SPIDR: variants seen among roughly 807,000 people sequenced by gnomAD.
SPIDR encodes scaffold protein involved in DNA repair.
In SPIDR, 93 loss-of-function variants were observed where a neutral mutation model predicts 104.6. The ratio of observed to expected loss-of-function variants is 0.89; its 90% CI spans 0.75 to 1.06. The LOEUF (loss-of-function observed/expected upper bound fraction) is 1.06, where lower values mean the gene tolerates loss of function less well. Among genes scored for constraint, SPIDR ranks in the 50% least tolerant of loss-of-function variants. The pLI, the probability that SPIDR is intolerant of heterozygous loss-of-function variation, is 0.00. For missense variants in SPIDR, 1,154 were observed against 1,111.2 expected (o/e 1.04, Z -0.55); for synonymous variants, 431 against 416.9 (o/e 1.03, Z -0.41).
At chr8:47,684,382 C>A (rs7014443) in intron 11 of SPIDR, among the ~76,000 whole-genome samples, 62,360 of 151,982 alleles carry the variant, frequency 0.41, 15,921 homozygotes, top group East Asian at 0.66. Context: ...ACAACAACAA[C>A]AAAAACTTCT....
At chr8:47,370,043 T>C (rs1554637630) in intron 5 of SPIDR, among the ~76,000 whole-genome samples, 1 of 152,118 alleles carries the variant, frequency 6.6e-6, no homozygotes, top group African/African-American at 2.4e-5. Flanking sequence ...GTCTCTTCTG[T>C]TAGTTTCATC....
chr8:47,359,920 G>A (rs189850961), intron 5 of SPIDR, among the ~76,000 whole-genome samples: 1 of 152,258 alleles, frequency 6.6e-6, no homozygotes, highest in African/African-American at 2.4e-5. Context: ...GAAAGAGCCT[G>A]GAACAATTTA....
chr8:47,567,330 C>G (rs1276395158), intron 8 of SPIDR, among the ~76,000 whole-genome samples: 4 of 151,974 alleles, frequency 2.6e-5, no homozygotes, highest in Non-Finnish European at 4.4e-5. Flanking sequence ...AGCAATTCTC[C>G]TGCCTCAGCC....
chr8:47,275,919 C>T (rs1038477390), intron 1 of SPIDR, among the ~76,000 whole-genome samples: 3 of 152,114 alleles, frequency 2.0e-5, no homozygotes, highest in Non-Finnish European at 4.4e-5. Context: ...TGCAGTGGTG[C>T]GATCACAGCT....
intron 5 of SPIDR, among the ~76,000 whole-genome samples, chr8:47,311,859 T>A (rs1214616947): frequency 6.6e-6 from 1 of 152,138 alleles, no homozygotes; most frequent in African/African-American, 2.4e-5. Flanking sequence ...CCTAATGCTA[T>A]CCCTCCCCAC....
At chr8:47,380,494 T>C (rs1208787003) in intron 5 of SPIDR, among the ~76,000 whole-genome samples, 1 of 151,996 alleles carries the variant, frequency 6.6e-6, no homozygotes, top group African/African-American at 2.4e-5. Flanking sequence ...CACCCTCCAC[T>C]CCTGCTTGGT....
chr8:47,329,208 C>G (rs1203364123), intron 5 of SPIDR, among the ~76,000 whole-genome samples: 1 of 151,690 alleles, frequency 6.6e-6, no homozygotes, highest in African/African-American at 2.4e-5. Context: ...GTAGCTGGGA[C>G]TACAGGCACC....
At chr8:47,557,723 A>T (rs1249261645) in intron 8 of SPIDR, among the ~76,000 whole-genome samples, 1 of 152,170 alleles carries the variant, frequency 6.6e-6, no homozygotes, top group Non-Finnish European at 1.5e-5. Flanking sequence ...AAGTAGACTC[A>T]TCTCATTTCT....
chr8:47,583,551 A>C (rs1009070700), intron 8 of SPIDR, among the ~76,000 whole-genome samples: 2 of 152,196 alleles, frequency 1.3e-5, no homozygotes, highest in Non-Finnish European at 2.9e-5. Flanking sequence ...GAGATTGTAA[A>C]GGCCACACCA....
chr8:47,542,174 T>C (rs2088319305), intron 8 of SPIDR, among the ~76,000 whole-genome samples: 3 of 152,010 alleles, frequency 2.0e-5, no homozygotes, highest in South Asian at 2.1e-4. Flanking sequence ...CATTTTCTTT[T>C]TTTTTTTTTT....
chr8:47,499,775 CT>C (rs749161570), intron 8 of SPIDR, among the ~76,000 whole-genome samples: 6 of 152,044 alleles, frequency 3.9e-5, no homozygotes, highest in Non-Finnish European at 8.8e-5. Context: ...TCTCCTAATG[CT>C]ATCCCTCCAC....
intron 5 of SPIDR, among the ~76,000 whole-genome samples, chr8:47,323,105 GAGAAA>G (rs2047044020): frequency 4.8e-5 from 7 of 147,252 alleles, no homozygotes; most frequent in Non-Finnish European, 9.0e-5. Context: ...AGAAGAAGAA[GAGAAA>G]AAAAAAAGAA....
At chr8:47,277,313 TTGTTATGTTATGTTA>T (rs75609635) in intron 1 of SPIDR, among the ~76,000 whole-genome samples, 16,048 of 141,970 alleles carry the variant, frequency 0.11, 913 homozygotes, top group South Asian at 0.14. Context: ...TATGTTATGT[TTGTTATGTTATGTTA>T]TGTTATGTTA....
At chr8:47,355,627 T>C (rs2054392578) in intron 5 of SPIDR, among the ~76,000 whole-genome samples, 1 of 152,224 alleles carries the variant, frequency 6.6e-6, no homozygotes, top group African/African-American at 2.4e-5. Context: ...CAGAAAGCTA[T>C]ATTATAACCA....
chr8:47,419,704 T>G (rs1285023831), intron 7 of SPIDR, among the ~76,000 whole-genome samples: 2 of 152,188 alleles, frequency 1.3e-5, no homozygotes, highest in African/African-American at 4.8e-5. Context: ...CTTTTAATTG[T>G]GATGTTAGGG....
intron 8 of SPIDR, among the ~76,000 whole-genome samples, chr8:47,445,648 T>C (rs1489255557): frequency 6.6e-6 from 1 of 152,188 alleles, no homozygotes; most frequent in East Asian, 1.9e-4. Context: ...AGGCCTCTTG[T>C]GCCAGTTAGG....
intron 1 of SPIDR, among the ~76,000 whole-genome samples, chr8:47,262,001 C>T (rs2032518964): frequency 6.6e-6 from 1 of 152,224 alleles, no homozygotes; most frequent in African/African-American, 2.4e-5. Flanking sequence ...TCTTTTGGAA[C>T]ATCCATGATT....
At chr8:47,419,340 G>T (rs1378323027) in intron 7 of SPIDR, 5 of 152,180 alleles carry the variant, frequency 3.3e-5, no homozygotes, top group Non-Finnish European at 5.9e-5. Flanking sequence ...TCCTGGTTTA[G>T]TCTTGGAAGG....
chr8:47,687,587 G>T (rs1418549891), intron 11 of SPIDR, among the ~76,000 whole-genome samples: 2 of 152,168 alleles, frequency 1.3e-5, no homozygotes. Context: ...CATAATTGTA[G>T]ATTGTAACAA....
Sources: gnomAD v4.1 joint callset for allele counts (sites outside exome capture counted in the v4.1 genomes callset) on GRCh38, gnomAD v4.1.1 for gene constraint, MANE v1.5 for transcripts, NCBI Gene and HGNC (gene_info 2026-07-23, HGNC 2026-07-21) for gene names.